GNG4: variants seen among roughly 807,000 people sequenced by gnomAD.
GNG4 encodes G protein subunit gamma 4, also known as guanine nucleotide-binding protein G(I)/G(S)/G(O) subunit gamma-4.
In GNG4, 4 loss-of-function variants were observed where a neutral mutation model predicts 5.8. That is an observed-to-expected ratio of 0.69 (90% CI 0.34 to 1.57). The LOEUF (loss-of-function observed/expected upper bound fraction) is 1.57. GNG4 is among the 40% of genes most tolerant of loss of function. The pLI, the probability that GNG4 is intolerant of heterozygous loss-of-function variation, is 0.06. For synonymous variants in GNG4, 29 were observed against 32.9 expected (o/e 0.88, Z 0.41); for missense variants, 96 against 95.1 (o/e 1.01, Z -0.04).
chr1:235,599,640 T>G (rs1688210441), intron 1 of GNG4, among the ~76,000 whole-genome samples: 1 of 152,126 alleles, frequency 6.6e-6, no homozygotes, highest in African/African-American at 2.4e-5. Context: ...ACCCAGGTGA[T>G]TCAGGTTTAC....
intron 1 of GNG4, among the ~76,000 whole-genome samples, chr1:235,617,769 C>T (rs1270924018): frequency 6.6e-6 from 1 of 151,842 alleles, no homozygotes; most frequent in African/African-American, 2.4e-5. Context: ...CCTGTAGTTC[C>T]AGCTATTTGG....
At chr1:235,607,787 C>T (rs991832588) in intron 1 of GNG4, among the ~76,000 whole-genome samples, 1 of 152,188 alleles carries the variant, frequency 6.6e-6, no homozygotes, top group Non-Finnish European at 1.5e-5. Flanking sequence ...GCCACCCTCC[C>T]TGCCTCTCTC....
intron 2 of GNG4, among the ~76,000 whole-genome samples, chr1:235,593,268 G>A (rs1688024501): frequency 6.6e-6 from 1 of 152,120 alleles, no homozygotes; most frequent in Non-Finnish European, 1.5e-5. Context: ...AAATTCTGAT[G>A]GGCTGCATCT....
At chr1:235,558,079 G>A (rs891621045) in intron 3 of GNG4, among the ~76,000 whole-genome samples, 1 of 152,142 alleles carries the variant, frequency 6.6e-6, no homozygotes, top group Non-Finnish European at 1.5e-5. Flanking sequence ...CCACTCCTCT[G>A]GCTTGCTGAG....
Position 235,549,776 on chromosome 1 carries a change from T to C in GNG4, c.*2333A>G, listed in dbSNP as rs1343334192. The C allele has an allele frequency of 6.6e-6, 1 of 152,252 alleles. No individual in the cohort carries two copies. Among genetic ancestry groups the C allele is most frequent in the African/African-American group, 2.4e-5 (1 of 41,460 alleles). The allele number at this position is 152,252 out of a possible 1,614,324, so 9.4% of individuals were successfully genotyped here. The stretch of plus-strand genomic sequence containing the variant: ...GCAAGTCATTAATTGGTCTGGAAAT[T>C]ACATTTGCCTCTTTGCAGGCAATTT... On this transcript the variant is annotated 3_prime_UTR_variant, in exon 4 of 4. Transcript: ENST00000391854.
chr1:235,563,828 G>A (rs1687129296), intron 3 of GNG4, among the ~76,000 whole-genome samples: 1 of 152,194 alleles, frequency 6.6e-6, no homozygotes, highest in African/African-American at 2.4e-5. Flanking sequence ...CTGGCTCAGA[G>A]TGATAGTGGT....
chr1:235,575,295 C>T (rs114896375), intron 3 of GNG4, among the ~76,000 whole-genome samples: 449 of 152,276 alleles, frequency 2.9e-3, no homozygotes, highest in African/African-American at 0.01. Context: ...TCCGCATAAA[C>T]CCATCGTAAG....
At chr1:235,637,912 T>C (rs1389068692) in intron 1 of GNG4, among the ~76,000 whole-genome samples, 2 of 152,120 alleles carry the variant, frequency 1.3e-5, no homozygotes, top group Non-Finnish European at 2.9e-5. Context: ...TGACCTCTGC[T>C]CTTGTGGCAC....
chr1:235,591,918 T>C (rs1687973550), intron 2 of GNG4, among the ~76,000 whole-genome samples: 1 of 151,998 alleles, frequency 6.6e-6, no homozygotes, highest in Non-Finnish European at 1.5e-5. Flanking sequence ...AGCAGGGAAA[T>C]AAAGGAAAAT....
At chr1:235,590,840 T>TAGTGTCC (rs1185284140) in intron 2 of GNG4, among the ~76,000 whole-genome samples, 1 of 152,218 alleles carries the variant, frequency 6.6e-6, no homozygotes, top group Non-Finnish European at 1.5e-5. Context: ...CGTGATTCCT[T>TAGTGTCC]AGTGTCCAAA....
At chr1:235,630,160 C>G (rs1688903279) in intron 1 of GNG4, among the ~76,000 whole-genome samples, 1 of 152,222 alleles carries the variant, frequency 6.6e-6, no homozygotes, top group Non-Finnish European at 1.5e-5. Flanking sequence ...TTCACTTTTA[C>G]ACTTCCCTGT....
At chr1:235,563,599 G>T (rs1200112778) in intron 3 of GNG4, among the ~76,000 whole-genome samples, 1 of 152,196 alleles carries the variant, frequency 6.6e-6, no homozygotes, top group Non-Finnish European at 1.5e-5. Flanking sequence ...TTGGAGGAAT[G>T]ATCTACTTTA....
chr1:235,551,486 T>A lies in GNG4; in HGVS notation c.*623A>T, dbSNP rs1686747087. 1 of 152,320 alleles carries A rather than the reference T, an allele frequency of 6.6e-6. No homozygotes were observed. Among genetic ancestry groups the A allele is most frequent in the Non-Finnish European group, 1.5e-5 (1 of 68,178 alleles). 9.4% of individuals were successfully genotyped at this position (152,320 alleles called of 1,614,324 possible). A position where few individuals can be genotyped will look rare whatever the true frequency, so the allele number is the denominator to read the frequency against. ...TGAACCCAGGAGGTGGAGGTCGCAGTGAGCTGAGGTCACGCCATTGCACTC... is the reference window on the plus strand; with the variant it reads ...TGAACCCAGGAGGTGGAGGTCGCAGAGAGCTGAGGTCACGCCATTGCACTC... On this transcript the variant is annotated 3_prime_UTR_variant, in exon 4 of 4. Transcript: ENST00000391854.
In GNG4 at chr1:235,610,365, G is replaced by A. The variant is rs183670189; in HGVS notation, c.-122-14854C>T. On this transcript the variant is annotated intron_variant, in intron 1 of 3. Transcript: ENST00000391854. The stretch of plus-strand genomic sequence containing the variant: ...CATTAATGATGTTCGTTGTCATCAC[G>A]TGATTAAGGTGGTGTCTGCCAAGTT... 1.5e-4 allele frequency among the ~76,000 whole-genome samples: 23 copies of A among 152,282 alleles called. No homozygotes were observed. In the East Asian group the frequency reaches 2.9e-3, roughly 19 times the overall value.
chr1:235,568,178 A>G (rs1353996156), intron 3 of GNG4, among the ~76,000 whole-genome samples: 4 of 149,724 alleles, frequency 2.7e-5, no homozygotes, highest in East Asian at 1.9e-4. Context: ...TAAACCTATG[A>G]CTGCCTTGGC....
chr1:235,573,324 A>C, intron 3 of GNG4, among the ~76,000 whole-genome samples: 1 of 98,006 alleles, frequency 1.0e-5, no homozygotes, highest in Non-Finnish European at 2.0e-5. Flanking sequence ...GGGCCTGTCA[A>C]GGGGTGGGGG....
chr1:235,585,496 C>T lies in GNG4; in HGVS notation c.-10-1648G>A, dbSNP rs183452881. Among the ~76,000 whole-genome samples the T allele has an allele frequency of 2.1e-3, 323 of 152,280 alleles. 1 individual carries two copies. Among genetic ancestry groups the T allele is most frequent in the African/African-American group, 7.3e-3 (303 of 41,552 alleles). ...CAGTTACATATATGTTTTCTCATTT[C>T]TCCTTCTTTCTTACACAAAAAGATA... On this transcript the variant is annotated intron_variant, in intron 2 of 3. Transcript: ENST00000391854.
intron 3 of GNG4, among the ~76,000 whole-genome samples, chr1:235,582,297 CCCT>C (rs1687657332): frequency 6.6e-6 from 1 of 152,208 alleles, no homozygotes; most frequent in East Asian, 1.9e-4. Context: ...GTGCATGGCG[CCCT>C]CCTCCCATAG....
chr1:235,628,311 T>G (rs1688859965), intron 1 of GNG4, among the ~76,000 whole-genome samples: 1 of 150,992 alleles, frequency 6.6e-6, no homozygotes, highest in Non-Finnish European at 1.5e-5. Flanking sequence ...CGGAGGAAAA[T>G]GTCTTGGCCA....
Sources: allele counts gnomAD v4.1 joint callset (sites outside exome capture counted in the v4.1 genomes callset), GRCh38; gene constraint gnomAD v4.1.1; transcripts MANE v1.5; gene names NCBI Gene and HGNC (gene_info 2026-07-23, HGNC 2026-07-21).